Variants in MRTFA observed in about 807,000 individuals in gnomAD.
MRTFA encodes myocardin-related transcription factor A.
Under a neutral mutation model 83.5 loss-of-function variants are expected in MRTFA, and 20 were observed. The ratio of observed to expected loss-of-function variants is 0.24; its 90% CI spans 0.17 to 0.35. The LOEUF (loss-of-function observed/expected upper bound fraction) is 0.35, where lower values mean the gene tolerates loss of function less well. Ranked by LOEUF, MRTFA falls within the 10% of genes least tolerant of loss-of-function variation. The pLI, the probability that MRTFA is intolerant of heterozygous loss-of-function variation, is 1.00. For synonymous variants in MRTFA, 659 were observed against 541.2 expected, an observed-to-expected ratio of 1.22 and a Z score of -3.02; for missense variants, 1,200 against 1,224.7, an observed-to-expected ratio of 0.98 and a Z score of 0.30.
intron 3 of MRTFA, among the ~76,000 whole-genome samples, chr22:40,493,900 T>C (rs1367925393): frequency 6.6e-6 from 1 of 152,248 alleles, no homozygotes; most frequent in Non-Finnish European, 1.5e-5. Context: ...GTTCTGTGCC[T>C]GATGTAAATT....
intron 9 of MRTFA, among the ~76,000 whole-genome samples, chr22:40,421,710 A>G (rs555167344): frequency 6.6e-6 from 1 of 152,292 alleles, no homozygotes; most frequent in East Asian, 1.9e-4. Context: ...AAACTGACCA[A>G]TAAGGGCCAG....
intron 2 of MRTFA, among the ~76,000 whole-genome samples, chr22:40,572,737 T>C (rs1036394500): frequency 6.6e-6 from 1 of 152,150 alleles, no homozygotes; most frequent in African/African-American, 2.4e-5. Context: ...GCGTCTTACA[T>C]GGATGGCAGC....
At chr22:40,423,452 C>T in intron 9 of MRTFA, 84 bp downstream of exon 9, 1 of 1,273,474 alleles carries the variant, frequency 7.9e-7, no homozygotes, top group Non-Finnish European at 1.0e-6. Flanking sequence ...CCCTCTACAG[C>T]TGTCCCCACA....
intron 3 of MRTFA, among the ~76,000 whole-genome samples, chr22:40,540,021 C>G (rs2055263754): frequency 6.6e-6 from 1 of 151,072 alleles, no homozygotes; most frequent in Admixed American, 6.6e-5. Context: ...ACGATCCCCC[C>G]ATCTCAGCCT....
At chr22:40,627,500 T>A (rs568761006) in intron 1 of MRTFA, among the ~76,000 whole-genome samples, 1 of 152,330 alleles carries the variant, frequency 6.6e-6, no homozygotes, top group South Asian at 2.1e-4. Context: ...CAGATACATA[T>A]AATGAATACC....
intron 2 of MRTFA, among the ~76,000 whole-genome samples, chr22:40,586,146 TA>T (rs1186142279): frequency 6.6e-6 from 1 of 152,082 alleles, no homozygotes; most frequent in Non-Finnish European, 1.5e-5. Context: ...TGAGAGTAAT[TA>T]TTTTTTTTTA....
rs1430032580 is a variant in MRTFA at position 40,419,121 on chromosome 22, A to G, written c.1617T>C (p.Ser539=). The G allele has an allele frequency of 1.1e-5, 17 of 1,590,092 alleles. No individual in the cohort carries two copies. The highest frequency in any genetic ancestry group is 1.5e-5 in the Non-Finnish European group (17 of 1,168,504). ...CCGTGCTGCCAAACTTCACCACCCCACTGCTGGCCACCGTGGCCACCACCA... is the reference window on the plus strand; with the variant it reads ...CCGTGCTGCCAAACTTCACCACCCCGCTGCTGGCCACCGTGGCCACCACCA... Residue 539 remains serine, a synonymous_variant, in exon 12 of 15, where the codon AGT becomes AGC. Transcript: ENST00000355630.
rs372793419 is a variant in MRTFA at position 40,480,274 on chromosome 22, ATTT to A, written c.242-16991_242-16989del. On this transcript the variant is annotated intron_variant, in intron 3 of 14. Coordinates refer to ENST00000355630, the MANE Select transcript of MRTFA (RefSeq NM_020831.6). ...AAACACACCAGTTCTCTGTATGTTT[ATTT>A]TTTTTTTTTTATGTTTTGTCAAGAT... Among the ~76,000 whole-genome samples, 172 of 145,126 alleles carry A rather than the reference ATTT, an allele frequency of 1.2e-3. 1 individual carries two copies. The highest frequency in any genetic ancestry group is 2.8e-3 in the South Asian group (13 of 4,576).
intron 9 of MRTFA, among the ~76,000 whole-genome samples, chr22:40,421,806 C>T (rs940547451): frequency 6.6e-5 from 10 of 152,112 alleles, no homozygotes; most frequent in African/African-American, 2.4e-4. Flanking sequence ...CAGAGAGAGA[C>T]CACGGAGAGC....
rs2056120085 is a variant in MRTFA, at chr22:40,591,426, AAACT to A, written c.-22+3244_-22+3247del. On this transcript the variant is annotated intron_variant, in intron 2 of 14. Coordinates refer to ENST00000355630, the MANE Select transcript of MRTFA (RefSeq NM_020831.6). ...AGTGGTATGTTTGACCAGTAATAAG[AAACT>A]AATATATAAAGAAGAGGAGGAAAGA... Among the ~76,000 whole-genome samples the A allele has an allele frequency of 2.0e-5, 3 of 152,224 alleles. No homozygotes were observed. In the South Asian group the frequency reaches 6.2e-4, roughly 32 times the overall value.
intron 4 of MRTFA, among the ~76,000 whole-genome samples, chr22:40,437,474 G>A (rs562836576): frequency 1.3e-5 from 2 of 152,110 alleles, no homozygotes; most frequent in Admixed American, 6.5e-5. Context: ...TAAATACTAC[G>A]TATCTGGCTG....
At chr22:40,426,973 G>T (rs890036747) in intron 7 of MRTFA, among the ~76,000 whole-genome samples, 1 of 152,210 alleles carries the variant, frequency 6.6e-6, no homozygotes, top group Admixed American at 6.5e-5. Context: ...CTTCCTACCA[G>T]GCAGCACTGG....
At chr22:40,506,024 A>G (rs573846198) in intron 3 of MRTFA, among the ~76,000 whole-genome samples, 2 of 152,268 alleles carry the variant, frequency 1.3e-5, no homozygotes, top group African/African-American at 4.8e-5. Flanking sequence ...AACAGGTCAG[A>G]AGATCGAGAC....
chr22:40,445,374 CTAAGAA>C (rs1470243592), intron 4 of MRTFA, among the ~76,000 whole-genome samples: 1 of 152,158 alleles, frequency 6.6e-6, no homozygotes, highest in African/African-American at 2.4e-5. Flanking sequence ...TGTGCATTTC[CTAAGAA>C]TAAGGACATT....
At chr22:40,490,070 T>C (rs964741213) in intron 3 of MRTFA, among the ~76,000 whole-genome samples, 1 of 152,052 alleles carries the variant, frequency 6.6e-6, no homozygotes, top group Non-Finnish European at 1.5e-5. Context: ...TGAATCTCTA[T>C]TGCCTATAGG....
chr22:40,558,586 T>C (rs1434123848), intron 2 of MRTFA, among the ~76,000 whole-genome samples: 1 of 152,030 alleles, frequency 6.6e-6, no homozygotes, highest in Admixed American at 6.6e-5. Context: ...AATATTTTTC[T>C]AATGAAGCAT....
chr22:40,451,588 C>A (rs2053487799), intron 4 of MRTFA, among the ~76,000 whole-genome samples: 1 of 152,174 alleles, frequency 6.6e-6, no homozygotes, highest in Admixed American at 6.5e-5. Flanking sequence ...CTGCTCTTGA[C>A]CCACTGATGG....
chr22:40,472,216 C>A (rs1051759260), intron 3 of MRTFA, among the ~76,000 whole-genome samples: 3 of 152,198 alleles, frequency 2.0e-5, no homozygotes, highest in Non-Finnish European at 4.4e-5. Context: ...TAGACCTCAT[C>A]TCTTTAAAAA....
In MRTFA at chr22:40,431,461, C is replaced by G; in HGVS notation, c.383G>C (p.Arg128Pro). The G allele has an allele frequency of 1.2e-6, 2 of 1,614,010 alleles. No homozygotes were observed. Among genetic ancestry groups the G allele is most frequent in the Non-Finnish European group, 1.7e-6 (2 of 1,179,914 alleles). The change falls in exon 6 of 15, where the codon CGG becomes CCG. Residue 128 changes from arginine to proline, a missense_variant. By Grantham distance (103) the Arg-to-Pro change is moderately radical. Coordinates refer to ENST00000355630, the MANE Select transcript of MRTFA (RefSeq NM_020831.6). Reference sequence around the variant, plus strand: ...TCTCTCCGGCCGGGAACGAATCTTCCGTTTGAGATAGTCCTCTGTCTACAG... The same window carrying G: ...TCTCTCCGGCCGGGAACGAATCTTCGGTTTGAGATAGTCCTCTGTCTACAG...
Sources: allele counts gnomAD v4.1 joint callset (sites outside exome capture counted in the v4.1 genomes callset), GRCh38; gene constraint gnomAD v4.1.1; transcripts MANE v1.5; gene names NCBI Gene and HGNC (gene_info 2026-07-23, HGNC 2026-07-21).